CPQ: variants seen among roughly 807,000 people sequenced by gnomAD.
The protein encoded by CPQ is carboxypeptidase Q.
CPQ carries 37 observed loss-of-function variants against 45.7 expected under a neutral mutation model. The ratio of observed to expected loss-of-function variants is 0.81; its 90% confidence interval spans 0.62 to 1.07. CPQ has a LOEUF of 1.07. Among genes scored for constraint, CPQ ranks in the 50% least tolerant of loss-of-function variants. The pLI, the probability that CPQ is intolerant of heterozygous loss-of-function variation, is 0.00. For missense variants in CPQ, 537 were observed against 572.9 expected, an observed-to-expected ratio of 0.94 and a Z score of 0.64; for synonymous variants, 186 against 205.8, an observed-to-expected ratio of 0.90 and a Z score of 0.82.
intron 2 of CPQ, among the ~76,000 whole-genome samples, chr8:96,819,070 A>G (rs1245631238): frequency 6.6e-6 from 1 of 152,164 alleles, no homozygotes; most frequent in East Asian, 1.9e-4. Flanking sequence ...CCGTAACTGA[A>G]AAACTATATT....
intron 2 of CPQ, among the ~76,000 whole-genome samples, chr8:96,802,969 T>C (rs936835653): frequency 1.3e-5 from 2 of 150,508 alleles, no homozygotes; most frequent in South Asian, 2.1e-4. Flanking sequence ...TTAATCAAGG[T>C]TCTCAAAAGA....
chr8:96,671,335 G>C (rs1809000834), intron 1 of CPQ, among the ~76,000 whole-genome samples: 1 of 152,196 alleles, frequency 6.6e-6, no homozygotes, highest in African/African-American at 2.4e-5. Context: ...TGTGTGTAAA[G>C]CATATGCAAG....
Position 97,058,384 on chromosome 8 carries a change from A to C in CPQ, c.1054-7625A>C, listed in dbSNP as rs551636921. Among the ~76,000 whole-genome samples, 4 of 152,312 alleles carry C rather than the reference A, an allele frequency of 2.6e-5. No individual in the cohort carries two copies. In the South Asian group the frequency reaches 8.3e-4, roughly 32 times the overall value. On this transcript the variant is annotated intron_variant, in intron 6 of 7. Transcript: ENST00000220763. ...CAGTCTTCCCAACCAAGAGAAGGAC[A>C]TTAGAGGTCAACCAGAAAGCACTAT... is the stretch of plus-strand genomic sequence containing the variant.
intron 2 of CPQ, among the ~76,000 whole-genome samples, chr8:96,793,614 A>G (rs963704546): frequency 1.3e-5 from 2 of 152,164 alleles, no homozygotes; most frequent in Non-Finnish European, 2.9e-5. Flanking sequence ...TTCAAAACCA[A>G]TCATGCTTTC....
intron 5 of CPQ, among the ~76,000 whole-genome samples, chr8:96,975,522 CA>C (rs59259565): frequency 8.4e-5 from 12 of 142,710 alleles, no homozygotes; most frequent in South Asian, 2.2e-4. Context: ...GAGGACATAA[CA>C]AAAAAAAAAG....
chr8:96,870,176 T>G (rs1812049593), intron 3 of CPQ, among the ~76,000 whole-genome samples: 1 of 151,844 alleles, frequency 6.6e-6, no homozygotes, highest in Non-Finnish European at 1.5e-5. Context: ...ATTTTTTTGG[T>G]ATGATTATCA....
rs1466242172 is a variant in CPQ, at chr8:97,143,157, A to G, written c.1393A>G (p.Met465Val). The stretch of plus-strand genomic sequence containing the variant: ...TGTTGTTTCTTATGTTGTTGCAGAC[A>G]TGGAAGAAATGCTGCCTAGGTCCTA... The part of the protein sequence containing the change: ...WAVVSYVVAD[M>V]EEMLPRS The change falls in exon 8 of 8, where the codon ATG becomes GTG. Residue 465 changes from methionine (M) to valine (V), a missense_variant. Physicochemically the swap from Met to Val is conservative, Grantham distance 21. Transcript: ENST00000220763. 1.9e-6 allele frequency: 3 copies of G among 1,614,044 alleles called. No homozygotes were observed. The highest frequency in any genetic ancestry group is 1.1e-5 in the South Asian group (1 of 91,072).
chr8:96,688,855 T>C (rs1230107884), intron 1 of CPQ, among the ~76,000 whole-genome samples: 10 of 152,182 alleles, frequency 6.6e-5, no homozygotes, highest in Non-Finnish European at 1.5e-5. Flanking sequence ...ACCTTAATAA[T>C]AATGTTAATA....
intron 1 of CPQ, among the ~76,000 whole-genome samples, chr8:96,715,776 G>A (rs143169277): frequency 4.6e-5 from 7 of 152,298 alleles, no homozygotes; most frequent in Non-Finnish European, 7.3e-5. Context: ...CCTTGATGTG[G>A]TGCAGTCCCC....
intron 6 of CPQ, among the ~76,000 whole-genome samples, chr8:97,039,968 C>T (rs1229733461): frequency 6.6e-6 from 1 of 151,978 alleles, no homozygotes; most frequent in Non-Finnish European, 1.5e-5. Flanking sequence ...TTTATAGCAG[C>T]ATGATTTGTA....
intron 4 of CPQ, among the ~76,000 whole-genome samples, chr8:96,911,008 A>G (rs1472846439): frequency 2.0e-5 from 3 of 151,956 alleles, no homozygotes; most frequent in African/African-American, 7.3e-5. Flanking sequence ...ATGCAGTAAA[A>G]AGAAATCGAT....
chr8:97,011,298 C>T (rs1809480639), intron 5 of CPQ, among the ~76,000 whole-genome samples: 1 of 152,200 alleles, frequency 6.6e-6, no homozygotes, highest in Admixed American at 6.6e-5. Flanking sequence ...ACCAACCAAA[C>T]ACATATATGC....
intron 5 of CPQ, among the ~76,000 whole-genome samples, chr8:97,028,248 T>C (rs1809834731): frequency 6.6e-6 from 1 of 152,206 alleles, no homozygotes; most frequent in African/African-American, 2.4e-5. Flanking sequence ...TCCTTAGGCT[T>C]AGGAAAGGAG....
intron 1 of CPQ, among the ~76,000 whole-genome samples, chr8:96,650,510 G>T (rs1280042719): frequency 6.6e-6 from 1 of 152,114 alleles, no homozygotes; most frequent in Admixed American, 6.5e-5. Flanking sequence ...CATGAAGGAG[G>T]CTGCAGTTTG....
chr8:96,652,204 G>T (rs542042333), intron 1 of CPQ, among the ~76,000 whole-genome samples: 7 of 152,332 alleles, frequency 4.6e-5, no homozygotes, highest in Admixed American at 3.9e-4. Flanking sequence ...CCACGTAGAA[G>T]TGAGATCATG....
At chr8:96,740,224 A>ATTTT (rs1271538302) in intron 1 of CPQ, among the ~76,000 whole-genome samples, 9 of 152,110 alleles carry the variant, frequency 5.9e-5, no homozygotes, top group Admixed American at 1.3e-4. Flanking sequence ...TTTTAAAGCA[A>ATTTT]TTGTGAATGG....
intron 2 of CPQ, among the ~76,000 whole-genome samples, chr8:96,799,569 G>T (rs890614000): frequency 2.6e-5 from 4 of 152,172 alleles, no homozygotes; most frequent in Non-Finnish European, 4.4e-5. Context: ...TATGGGATCA[G>T]TTGACGGATC....
chr8:97,007,646 A>C (rs1463853828), intron 5 of CPQ, among the ~76,000 whole-genome samples: 2 of 152,172 alleles, frequency 1.3e-5, no homozygotes, highest in East Asian at 1.9e-4. Context: ...TTGTGATTTC[A>C]CCCAGGAAAA....
intron 5 of CPQ, among the ~76,000 whole-genome samples, chr8:97,021,103 C>CAGAATCAA: frequency 6.6e-6 from 1 of 152,236 alleles, no homozygotes; most frequent in Admixed American, 6.5e-5. Context: ...ACCACATAAG[C>CAGAATCAA]AGAATCAAAA....
Sources: gnomAD v4.1 joint callset for allele counts (sites outside exome capture counted in the v4.1 genomes callset) on GRCh38, gnomAD v4.1.1 for gene constraint, MANE v1.5 for transcripts, NCBI Gene and HGNC (gene_info 2026-07-23, HGNC 2026-07-21) for gene names.